Variants in LAMA3 observed in about 807,000 individuals in gnomAD.
LAMA3 encodes laminin subunit alpha 3.
A neutral mutation model predicts 402.0 loss-of-function variants in LAMA3; 281 were observed. The observed-to-expected ratio is 0.70, with a 90% confidence interval of 0.63 to 0.77. LAMA3 has a LOEUF of 0.77. LAMA3 is among the 30% of genes least tolerant of loss of function. LAMA3 has a pLI of 0.00. For missense variants in LAMA3, 3,840 were observed against 4,215.5 expected (o/e 0.91, Z 2.47); for synonymous variants, 1,431 against 1,558.4 (o/e 0.92, Z 1.93).
At chr18:23,913,163 C>A (rs1439320300) in intron 56 of LAMA3, among the ~76,000 whole-genome samples, 1 of 152,188 alleles carries the variant, frequency 6.6e-6, no homozygotes, top group East Asian at 1.9e-4. Flanking sequence ...AACATATGCA[C>A]TTGGGGAGGA....
rs2145055367 is a variant in LAMA3, at chr18:23,894,329, C to T, written c.5442C>T (p.Ser1814=). The change falls in exon 43 of 75, where the codon AGC becomes AGT. Residue 1814 remains serine (S), a synonymous_variant. Coordinates refer to ENST00000313654, the MANE Select transcript of LAMA3 (RefSeq NM_198129.4). ...TAAACCAAGAACCCAAAGATAGCAG[C>T]CCTGCAGAAGAATGTGATGGTGAGA... ...DCINQEPKDS[S]PAEECDDCDS... 2 of 1,613,552 alleles carry T rather than the reference C, an allele frequency of 1.2e-6. No homozygotes were observed. Among genetic ancestry groups the T allele is most frequent in the Non-Finnish European group, 1.7e-6 (2 of 1,179,456 alleles).
rs189011001 is a variant in LAMA3, at chr18:23,788,386, A to G, written c.1603+4229A>G. Among the ~76,000 whole-genome samples, 266 of 152,076 alleles carry G rather than the reference A, an allele frequency of 1.7e-3. 1 individual carries two copies. The highest frequency in any genetic ancestry group is 6.2e-3 in the African/African-American group (258 of 41,542). Reference sequence around the variant, plus strand: ...GTAGATTTCTTTTTGTAAGCCCTAGAGCAACCACTAACATAGTAACTCAAA... The same window carrying G: ...GTAGATTTCTTTTTGTAAGCCCTAGGGCAACCACTAACATAGTAACTCAAA... On this transcript the variant is annotated intron_variant, in intron 12 of 74. Coordinates refer to ENST00000313654, the MANE Select transcript of LAMA3 (RefSeq NM_198129.4).
At chr18:23,810,526 A>G (rs2063048118) in intron 13 of LAMA3, 23 bp downstream of exon 13, 2 of 1,613,718 alleles carry the variant, frequency 1.2e-6, no homozygotes, top group Non-Finnish European at 1.7e-6. Flanking sequence ...GCAGATTGCT[A>G]GAGGGCTGGT....
rs1350024652 is a variant in LAMA3 at position 23,751,108 on chromosome 18, G to GT, written c.855+24dup. 3 of 1,613,540 alleles carry GT rather than the reference G, an allele frequency of 1.9e-6. No homozygotes were observed. The highest frequency in any genetic ancestry group is 2.5e-6 in the Non-Finnish European group (3 of 1,179,674). ...CGGCGGGTGAGTAGTCAGAGCATTT[G>GT]TTTTGTTACTTTATTTATTCATTTT... On this transcript the variant is annotated intron_variant, in intron 5 of 74. Transcript: ENST00000313654.
chr18:23,716,571 C>CT (rs1296312833), intron 2 of LAMA3, among the ~76,000 whole-genome samples: 1 of 151,730 alleles, frequency 6.6e-6, no homozygotes, highest in Admixed American at 6.6e-5. Context: ...TTCTTTAGAA[C>CT]TTTTTTTTTA....
chr18:23,842,482 C>G lies in LAMA3; in HGVS notation c.3424C>G (p.Pro1142Ala). Residue 1142 changes from proline to alanine, a missense_variant, in exon 28 of 75, where the codon CCC (proline) becomes GCC (alanine). By Grantham distance (27) the Pro-to-Ala change is conservative. Around this residue, in one of 3 missense-constraint regions of LAMA3, gnomAD observed 2,109 missense variants for 2,376.0 expected, o/e 0.89. Transcript: ENST00000313654. ...TTACCAAGCAGCGCACCCGACGTTTCCCGCGCAGGTGTCGGTGGATGGCGG... is the reference window on the plus strand; with the variant it reads ...TTACCAAGCAGCGCACCCGACGTTTGCCGCGCAGGTGTCGGTGGATGGCGG... ...HFYQAAHPTF[P>A]AQVSVDGGWP... 6.2e-7 allele frequency: 1 copy of G among 1,614,240 alleles called. No individual in the cohort carries two copies. Among genetic ancestry groups the G allele is most frequent in the Non-Finnish European group, 8.5e-7 (1 of 1,180,046 alleles).
Position 23,763,534 on chromosome 18 carries a change from A to G in LAMA3, c.1182+11A>G, listed in dbSNP as rs766847652. 1 of 1,467,068 alleles carries G rather than the reference A, an allele frequency of 6.8e-7. No homozygotes were observed. The highest frequency in any genetic ancestry group is 9.6e-7 in the Non-Finnish European group (1 of 1,045,954). The allele number at this position is 1,467,068 out of a possible 1,614,324, so 90.9% of individuals were successfully genotyped here. ...TGCATTAACTGTCAGGTGAGGCACT[A>G]TTTAAATCAAAGTGGATGTGTTGTC... On this transcript the variant is annotated intron_variant, in intron 8 of 74. Transcript: ENST00000313654.
At chr18:23,851,086 C>G (rs892584631) in intron 32 of LAMA3, among the ~76,000 whole-genome samples, 19 of 152,216 alleles carry the variant, frequency 1.2e-4, no homozygotes, top group African/African-American at 4.6e-4. Context: ...GTTCTCAGAA[C>G]AGAAGGGCTT....
At chr18:23,885,446 T>C (rs2065045100) in intron 41 of LAMA3, among the ~76,000 whole-genome samples, 1 of 151,220 alleles carries the variant, frequency 6.6e-6, no homozygotes, top group Non-Finnish European at 1.5e-5. Context: ...CCAAGAATGG[T>C]ACTGTTCACA....
At chr18:23,931,718 C>A in intron 65 of LAMA3, 1 of 221,670 alleles carries the variant, frequency 4.5e-6, no homozygotes, top group Non-Finnish European at 9.0e-6. Context: ...AGTTCAAAAA[C>A]AGGCAAGAAC....
At chr18:23,757,615 G>C (rs1318902294) in intron 6 of LAMA3, among the ~76,000 whole-genome samples, 1 of 152,142 alleles carries the variant, frequency 6.6e-6, no homozygotes, top group Non-Finnish European at 1.5e-5. Flanking sequence ...AGGTGAGAGA[G>C]AGAAGGCAGA....
intron 9 of LAMA3, among the ~76,000 whole-genome samples, chr18:23,775,341 T>G (rs575726291): frequency 1.3e-5 from 2 of 152,334 alleles, no homozygotes; most frequent in Admixed American, 1.3e-4. Flanking sequence ...GTCCACAGAC[T>G]CTATCTCCAT....
chr18:23,905,428 T>C, intron 51 of LAMA3, 94 bp from the exon 52 acceptor site: 1 of 775,462 alleles, frequency 1.3e-6, no homozygotes, highest in Non-Finnish European at 2.3e-6. Flanking sequence ...AACTTCATCC[T>C]TAAAATTAAG....
At chr18:23,872,851 G>A (rs28413178) in intron 38 of LAMA3, 17 of 618,976 alleles carry the variant, frequency 2.7e-5, no homozygotes, top group Admixed American at 1.3e-4. Context: ...ATTACAGAGC[G>A]GTGCGCTTAC....
chr18:23,712,224 T>C (rs2061003343), intron 1 of LAMA3, among the ~76,000 whole-genome samples: 1 of 151,494 alleles, frequency 6.6e-6, no homozygotes, highest in Non-Finnish European at 1.5e-5. Flanking sequence ...CTAATAAAAG[T>C]ACAAAATTAG....
chr18:23,901,047 G>A (rs1258623595), intron 47 of LAMA3, 80 bp from the exon 48 acceptor site: 3 of 1,275,142 alleles, frequency 2.4e-6, no homozygotes, highest in African/African-American at 1.5e-5. Flanking sequence ...GTAGAAACTC[G>A]ATTCTCCCTT....
intron 1 of LAMA3, among the ~76,000 whole-genome samples, chr18:23,692,428 C>T (rs1011301165): frequency 2.6e-5 from 4 of 152,128 alleles, no homozygotes; most frequent in Admixed American, 1.3e-4. Flanking sequence ...CCTGCCACCA[C>T]GCCCAGCTAA....
Position 23,951,558 on chromosome 18 carries a change from A to C in LAMA3, c.9643-126A>C, listed in dbSNP as rs72875941. On this transcript the variant is annotated intron_variant, in intron 72 of 74. Transcript: ENST00000313654. ...ATGTGGTCAAATGCTTCAAAAGCGG[A>C]GGAGGGCCAATATCTAATGTGCCCT... 3 of 714,624 alleles carry C rather than the reference A, an allele frequency of 4.2e-6. No homozygotes were observed. The South Asian group carries it at 4.5e-5, about 11-fold the overall frequency. The allele number at this position is 714,624 out of a possible 1,614,324, so 44.3% of individuals were successfully genotyped here.
At chr18:23,784,259 T>A in intron 12 of LAMA3, 102 bp downstream of exon 12, 3 of 1,385,320 alleles carry the variant, frequency 2.2e-6, no homozygotes, top group Non-Finnish European at 3.1e-6. Flanking sequence ...GCTTGCAGTT[T>A]AATAAATGGG....
Sources: allele counts gnomAD v4.1 joint callset (sites outside exome capture counted in the v4.1 genomes callset), GRCh38; gene constraint gnomAD v4.1.1; regional missense constraint gnomAD v4.1.1; transcripts MANE v1.5; gene names NCBI Gene and HGNC (gene_info 2026-07-23, HGNC 2026-07-21).